The following CC2D2A variants were observed in gnomAD, a reference collection of about 807,000 sequenced individuals.
CC2D2A encodes coiled-coil and C2 domain-containing protein 2A.
Under a neutral mutation model 212.9 loss-of-function variants are expected in CC2D2A, and 155 were observed. The observed-to-expected ratio is 0.73, with a 90% CI of 0.64 to 0.83. The LOEUF is 0.83. Ranked by LOEUF, CC2D2A falls within the 40% of genes least tolerant of loss-of-function variation. The probability of loss-of-function intolerance (pLI) is 0.00; values close to 1 mark genes in which losing one functional copy is unlikely to be tolerated. For synonymous variants in CC2D2A, 667 were observed against 686.5 expected (o/e 0.97, Z 0.44); for missense variants, 1,856 against 1,956.2 (o/e 0.95, Z 0.97).
chr4:15,522,466 T>C (rs115048078), intron 11 of CC2D2A, among the ~76,000 whole-genome samples: 50 of 152,194 alleles, frequency 3.3e-4, no homozygotes, highest in African/African-American at 1.2e-3. Flanking sequence ...TTTAAGAGTT[T>C]TATTTAGAAG....
chr4:15,524,662 A>G (rs917018019), intron 11 of CC2D2A, among the ~76,000 whole-genome samples: 1 of 151,156 alleles, frequency 6.6e-6, no homozygotes, highest in Non-Finnish European at 1.5e-5. Context: ...CGTGTTAGCC[A>G]GGATGGTCTC....
At chr4:15,564,417 T>C (rs1262826196) in intron 24 of CC2D2A, among the ~76,000 whole-genome samples, 1 of 152,144 alleles carries the variant, frequency 6.6e-6, no homozygotes, top group East Asian at 1.9e-4. Context: ...AAAGTAGCAC[T>C]TAATGTGCAT....
At chr4:15,507,885 T>C (rs894573834) in intron 6 of CC2D2A, among the ~76,000 whole-genome samples, 3 of 152,176 alleles carry the variant, frequency 2.0e-5, no homozygotes, top group South Asian at 2.1e-4. Flanking sequence ...GTACAGTTAA[T>C]GAACACTCAG....
At chr4:15,576,495 T>G in intron 29 of CC2D2A, 1 of 285,446 alleles carries the variant, frequency 3.5e-6, no homozygotes, top group Non-Finnish European at 5.3e-6. Context: ...AAACTCTTAT[T>G]TTAATATCAC....
intron 8 of CC2D2A, 137 bp downstream of exon 8, chr4:15,511,560 C>T: frequency 1.3e-6 from 1 of 748,170 alleles, no homozygotes; most frequent in Non-Finnish European, 2.0e-6. Flanking sequence ...GAGTTGAAAT[C>T]CCAAGTACTG....
intron 26 of CC2D2A, among the ~76,000 whole-genome samples, chr4:15,568,143 T>A (rs2109071203): frequency 6.6e-6 from 1 of 152,326 alleles, no homozygotes; most frequent in East Asian, 1.9e-4. Context: ...ACTCCTTAGT[T>A]CCCATAAATC....
At chr4:15,479,147 T>TGGCAGTACACGATTACAAATCTTGG (rs1255297954) in intron 3 of CC2D2A, 1 of 1,024,920 alleles carries the variant, frequency 9.8e-7, no homozygotes, top group East Asian at 2.6e-5. Flanking sequence ...GGGCAGTAGA[T>TGGCAGTACACGATTACAAATCTTGG]GGCAGTACAC....
intron 17 of CC2D2A, among the ~76,000 whole-genome samples, chr4:15,548,155 G>A (rs16892141): frequency 0.061 from 9,099 of 149,086 alleles, 603 homozygotes; most frequent in East Asian, 0.38. Flanking sequence ...GATAGAATCC[G>A]TTTTTTTCTC....
chr4:15,596,818 A>G (rs1432935246), intron 34 of CC2D2A, among the ~76,000 whole-genome samples: 1 of 152,200 alleles, frequency 6.6e-6, no homozygotes, highest in African/African-American at 2.4e-5. Context: ...GAAATAGCAT[A>G]AGAGTTGGAA....
At chr4:15,502,996 A>G in intron 6 of CC2D2A, 73 bp downstream of exon 6, 1 of 1,159,782 alleles carries the variant, frequency 8.6e-7, no homozygotes, top group Non-Finnish European at 1.2e-6. Context: ...AAAAGTTTTT[A>G]GAGCAGAGCT....
At chr4:15,510,091 G>A (rs924112362) in intron 6 of CC2D2A, 48 bp from the exon 7 acceptor site, 1 of 1,433,234 alleles carries the variant, frequency 7.0e-7, no homozygotes, top group African/African-American at 1.4e-5. Flanking sequence ...AACAGCCTAA[G>A]TTTCTTGGGT....
intron 4 of CC2D2A, among the ~76,000 whole-genome samples, chr4:15,490,345 C>T (rs140489415): frequency 2.4e-4 from 36 of 152,314 alleles, no homozygotes; most frequent in African/African-American, 7.9e-4. Context: ...TTTTCTATCC[C>T]TGTAAGTGTG....
chr4:15,492,903 T>A, intron 4 of CC2D2A: 1 of 554,978 alleles, frequency 1.8e-6, no homozygotes, highest in South Asian at 1.5e-5. Context: ...GGGTGCTCAG[T>A]GTAGCCCAGA....
In CC2D2A at chr4:15,550,964, C is replaced by G; in HGVS notation, c.2322C>G (p.His774Gln). 6.3e-7 allele frequency: 1 copy of G among 1,595,408 alleles called. No individual in the cohort carries two copies. Residue 774 changes from histidine (H) to glutamine (Q), a missense_variant, in exon 18 of 37, where the codon CAC becomes CAG. By Grantham distance (24) the His-to-Gln change is conservative. Coordinates refer to ENST00000424120, the MANE Select transcript of CC2D2A (RefSeq NM_001378615.1). Reference sequence around the variant, plus strand: ...GTAATCAGCATGTGACACTGGACCACGAGGGAGTTGGAAGTGGTATGGAAA... The same window carrying G: ...GTAATCAGCATGTGACACTGGACCAGGAGGGAGTTGGAAGTGGTATGGAAA... ...FSSNQHVTLD[H>Q]EGVGSGVPFS...
At chr4:15,482,276 GT>G (rs772646626) in intron 4 of CC2D2A, 70 of 983,738 alleles carry the variant, frequency 7.1e-5, no homozygotes, top group Non-Finnish European at 8.1e-5. Flanking sequence ...TCATATGGCT[GT>G]TTCTTTTTCT....
chr4:15,557,562 T>G, intron 21 of CC2D2A, 55 bp downstream of exon 21: 2 of 1,205,756 alleles, frequency 1.7e-6, no homozygotes, highest in Non-Finnish European at 2.3e-6. Context: ...ACTGTGCTGT[T>G]AGGTATACTA....
chr4:15,496,639 G>A (rs1364635412), intron 4 of CC2D2A, among the ~76,000 whole-genome samples: 1 of 152,102 alleles, frequency 6.6e-6, no homozygotes, highest in Non-Finnish European at 1.5e-5. Flanking sequence ...CCATTACTGG[G>A]TATACACACA....
chr4:15,583,921 AGCCTGG>A (rs748995379), intron 30 of CC2D2A, among the ~76,000 whole-genome samples: 30 of 151,604 alleles, frequency 2.0e-4, no homozygotes, highest in Non-Finnish European at 3.5e-4. Context: ...ACTACACTCC[AGCCTGG>A]GTGACAGAGC....
chr4:15,552,353 C>T (rs1296234487), intron 18 of CC2D2A, among the ~76,000 whole-genome samples: 1 of 152,156 alleles, frequency 6.6e-6, no homozygotes, highest in Non-Finnish European at 1.5e-5. Context: ...CAGTAATGCT[C>T]TTTTCCAAAA....
Sources: allele counts gnomAD v4.1 joint callset (sites outside exome capture counted in the v4.1 genomes callset), GRCh38; gene constraint gnomAD v4.1.1; transcripts MANE v1.5; gene names NCBI Gene and HGNC (gene_info 2026-07-23, HGNC 2026-07-21).